RPF2: variants seen among roughly 807,000 people sequenced by gnomAD.
The protein encoded by RPF2 is ribosome production factor 2 homolog.
RPF2 carries 21 observed loss-of-function variants against 38.9 expected under a neutral mutation model. The ratio of observed to expected loss-of-function variants is 0.54; its 90% CI spans 0.38 to 0.78. The LOEUF is 0.78. Ranked by LOEUF, RPF2 falls within the 30% of genes least tolerant of loss-of-function variation. The pLI is 0.00. For missense variants in RPF2, 314 were observed against 358.1 expected, an observed-to-expected ratio of 0.88 and a Z score of 0.99; for synonymous variants, 121 against 126.2, an observed-to-expected ratio of 0.96 and a Z score of 0.28.
chr6:111,011,472 A>C (rs1319714723), intron 7 of RPF2, among the ~76,000 whole-genome samples: 1 of 151,694 alleles, frequency 6.6e-6, no homozygotes, highest in Non-Finnish European at 1.5e-5. Context: ...ATTTTTAGTA[A>C]AGACTGGGTT....
chr6:111,019,517 A>G (rs942707294), intron 8 of RPF2, among the ~76,000 whole-genome samples: 2 of 151,436 alleles, frequency 1.3e-5, no homozygotes, highest in Non-Finnish European at 2.9e-5. Flanking sequence ...CGGGTGGATC[A>G]CCTGAGGTCA....
At chr6:111,012,832 G>T (rs1425060560) in intron 7 of RPF2, among the ~76,000 whole-genome samples, 1 of 152,048 alleles carries the variant, frequency 6.6e-6, no homozygotes, top group Admixed American at 6.6e-5. Context: ...ACCATGCCTG[G>T]ATAATTTTTG....
chr6:110,995,892 A>G (rs1771702859), intron 4 of RPF2, among the ~76,000 whole-genome samples: 1 of 151,248 alleles, frequency 6.6e-6, no homozygotes. Context: ...CACTGCATGT[A>G]GCCTTGATCT....
Position 111,023,494 on chromosome 6 carries a change from G to A in RPF2, c.597-689G>A, listed in dbSNP as rs114140480. ...CTTTTATACATACATAAATCTATGA[G>A]TAAGATGAAGAAGTCAAATCAAAGG... On this transcript the variant is annotated intron_variant, in intron 8 of 9. Coordinates refer to ENST00000441448, the MANE Select transcript of RPF2 (RefSeq NM_032194.3). 9.6e-4 allele frequency among the ~76,000 whole-genome samples: 146 copies of A among 152,242 alleles called. 1 individual carries two copies. Among genetic ancestry groups the A allele is most frequent in the African/African-American group, 3.4e-3 (143 of 41,536 alleles).
chr6:111,017,940 C>G (rs1281098461), intron 8 of RPF2, among the ~76,000 whole-genome samples: 1 of 152,128 alleles, frequency 6.6e-6, no homozygotes, highest in East Asian at 1.9e-4. Context: ...ACTGAGTGAA[C>G]GAGACTCCGT....
At chr6:110,984,078 G>T (rs1047696971) in intron 1 of RPF2, among the ~76,000 whole-genome samples, 30 of 152,050 alleles carry the variant, frequency 2.0e-4, no homozygotes, top group Non-Finnish European at 2.6e-4. Context: ...CAGGATTGTG[G>T]TGAAGATTAA....
At position 111,025,398 on chromosome 6, in the gene RPF2, C is replaced by T. The variant is rs375693845; in HGVS notation, c.742-5C>T. ...ATTAAATATATACATATTCTTTTAT[C>T]GTAGCCAAAGAAGAAGAAAAATATT... On this transcript the variant is annotated splice_polypyrimidine_tract_variant and splice_region_variant and intron_variant, in intron 9 of 9. Transcript: ENST00000441448. The T allele has an allele frequency of 2.6e-5, 41 of 1,578,388 alleles. No homozygotes were observed. Among genetic ancestry groups the T allele is most frequent in the Admixed American group, 1.6e-4 (9 of 57,586 alleles).
At chr6:111,005,688 G>A (rs1331495486) in intron 6 of RPF2, among the ~76,000 whole-genome samples, 1 of 152,086 alleles carries the variant, frequency 6.6e-6, no homozygotes, top group East Asian at 1.9e-4. Flanking sequence ...GGAGTGTAGT[G>A]GCAAGAGCAC....
chr6:110,988,600 T>TA (rs1394019084), intron 2 of RPF2, among the ~76,000 whole-genome samples: 2 of 152,160 alleles, frequency 1.3e-5, no homozygotes, highest in African/African-American at 4.8e-5. Context: ...TATGCCTGGC[T>TA]AATTTTTGCA....
At chr6:111,018,101 C>T (rs1247267355) in intron 8 of RPF2, among the ~76,000 whole-genome samples, 1 of 151,648 alleles carries the variant, frequency 6.6e-6, no homozygotes, top group Non-Finnish European at 1.5e-5. Context: ...CAGTCGCAGG[C>T]ACTCGGCAGG....
Position 110,998,484 on chromosome 6 carries a change from C to T in RPF2, c.316+1220C>T, listed in dbSNP as rs142315236. ...TTGGCCTCCCAAAGGGCTGGAATTA[C>T]AGGCGTGAGCCACTGTGCCCGGCCT... On this transcript the variant is annotated intron_variant, in intron 5 of 9. Coordinates refer to ENST00000441448, the MANE Select transcript of RPF2 (RefSeq NM_032194.3). Among the ~76,000 whole-genome samples, 8 of 152,338 alleles carry T rather than the reference C, an allele frequency of 5.3e-5. No individual in the cohort carries two copies. The East Asian group carries it at 1.5e-3, about 29-fold the overall frequency.
chr6:110,988,928 C>A, intron 2 of RPF2, 100 bp from the exon 3 acceptor site: 1 of 1,417,130 alleles, frequency 7.1e-7, no homozygotes, highest in South Asian at 1.3e-5. Flanking sequence ...AAGATTGAGG[C>A]CCCAGAGCAA....
At chr6:110,990,576 C>CT (rs1164577531) in intron 3 of RPF2, among the ~76,000 whole-genome samples, 68 of 127,288 alleles carry the variant, frequency 5.3e-4, no homozygotes, top group African/African-American at 1.3e-3. Flanking sequence ...CCCCCCCCAC[C>CT]TTTTCTTTTG....
At chr6:110,996,746 A>G (rs1242994055) in intron 4 of RPF2, among the ~76,000 whole-genome samples, 1 of 152,160 alleles carries the variant, frequency 6.6e-6, no homozygotes, top group African/African-American at 2.4e-5. Context: ...TTTCTGGTTC[A>G]TTAAGTCTTC....
intron 6 of RPF2, among the ~76,000 whole-genome samples, 159 bp downstream of exon 6, chr6:110,999,946 C>G (rs1017420158): frequency 6.6e-6 from 1 of 152,012 alleles, no homozygotes. Flanking sequence ...TTTTACCTTT[C>G]TTTTAAAAAG....
chr6:111,017,327 G>A (rs1331139401), intron 8 of RPF2, among the ~76,000 whole-genome samples: 4 of 150,062 alleles, frequency 2.7e-5, no homozygotes, highest in African/African-American at 7.4e-5. Flanking sequence ...CCTCCCTCCC[G>A]GATGGGGCGG....
chr6:111,015,983 T>A (rs1772101739), intron 8 of RPF2, 127 bp downstream of exon 8: 1 of 694,510 alleles, frequency 1.4e-6, no homozygotes, highest in South Asian at 1.7e-5. Context: ...GTTGGCAGGA[T>A]AGCAGTGACA....
intron 8 of RPF2, among the ~76,000 whole-genome samples, chr6:111,019,135 C>T (rs191808901): frequency 4.7e-4 from 72 of 152,014 alleles, no homozygotes; most frequent in African/African-American, 1.4e-3. Context: ...GAGCCCAGGA[C>T]GCAGAGGTTA....
intron 6 of RPF2, among the ~76,000 whole-genome samples, chr6:111,003,396 T>C (rs1460779113): frequency 6.6e-6 from 1 of 152,068 alleles, no homozygotes; most frequent in Non-Finnish European, 1.5e-5. Context: ...GTTCAAGCAA[T>C]TCTCCTGCCT....
Sources: allele counts gnomAD v4.1 joint callset (sites outside exome capture counted in the v4.1 genomes callset), GRCh38; gene constraint gnomAD v4.1.1; transcripts MANE v1.5; gene names NCBI Gene and HGNC (gene_info 2026-07-23, HGNC 2026-07-21).